Variants in CAMK4 observed in about 807,000 individuals in gnomAD.
CAMK4 encodes the protein calcium/calmodulin-dependent protein kinase type IV.
A neutral mutation model predicts 44.9 loss-of-function variants in CAMK4; 22 were observed. The ratio of observed to expected loss-of-function variants is 0.49; its 90% CI spans 0.35 to 0.70. CAMK4 has a LOEUF of 0.70. Among genes scored for constraint, CAMK4 ranks in the 30% least tolerant of loss-of-function variants. The probability of loss-of-function intolerance (pLI) is 0.01; values close to 1 mark genes in which losing one functional copy is unlikely to be tolerated. For synonymous variants in CAMK4, 218 were observed against 215.4 expected (o/e 1.01, Z -0.11); for missense variants, 498 against 586.8 (o/e 0.85, Z 1.56).
rs1008891844 is a variant in CAMK4, at chr5:111,247,900, G to A, written c.161+23256G>A. On this transcript the variant is annotated intron_variant, in intron 1 of 10. Coordinates refer to ENST00000282356, the MANE Select transcript of CAMK4 (RefSeq NM_001744.6). ...ATAATTATAAGGCCAAAGAAGTACT[G>A]CGAGGTTAAATTTGAGAAATGGTAG... is the stretch of plus-strand genomic sequence containing the variant. Among the ~76,000 whole-genome samples, 5 of 152,296 alleles carry A rather than the reference G, an allele frequency of 3.3e-5. No homozygotes were observed. The East Asian group carries it at 5.8e-4, about 18-fold the overall frequency.
At chr5:111,340,937 T>A (rs1749615687) in intron 1 of CAMK4, among the ~76,000 whole-genome samples, 1 of 151,234 alleles carries the variant, frequency 6.6e-6, no homozygotes, top group African/African-American at 2.4e-5. Context: ...TTATTCAGTC[T>A]TGGTAGGTTG....
intron 7 of CAMK4, among the ~76,000 whole-genome samples, chr5:111,450,873 C>T (rs1044185264): frequency 1.3e-5 from 2 of 151,856 alleles, no homozygotes; most frequent in Non-Finnish European, 2.9e-5. Context: ...CGAAAGCCAC[C>T]ATGGAAACAT....
chr5:111,326,144 A>G (rs1748879521), intron 1 of CAMK4, among the ~76,000 whole-genome samples: 1 of 152,028 alleles, frequency 6.6e-6, no homozygotes, highest in Non-Finnish European at 1.5e-5. Context: ...ACAGCAAATA[A>G]TGGGAAAAAT....
intron 2 of CAMK4, among the ~76,000 whole-genome samples, chr5:111,362,028 A>G (rs1227790684): frequency 5.3e-5 from 8 of 152,114 alleles, no homozygotes; most frequent in Admixed American, 5.2e-4. Flanking sequence ...GAAACAGAAG[A>G]TTAGAAATGC....
At chr5:111,409,513 G>C (rs538273723) in intron 5 of CAMK4, among the ~76,000 whole-genome samples, 99 of 152,346 alleles carry the variant, frequency 6.5e-4, no homozygotes, top group African/African-American at 2.2e-3. Flanking sequence ...AGGGGCTGCT[G>C]TGAAGGTCTC....
At chr5:111,249,628 GTATA>G (rs143178772) in intron 1 of CAMK4, among the ~76,000 whole-genome samples, 18 of 130,344 alleles carry the variant, frequency 1.4e-4, no homozygotes, top group African/African-American at 1.9e-4. Flanking sequence ...ATATTTGTGT[GTATA>G]TATATATATA....
intron 5 of CAMK4, among the ~76,000 whole-genome samples, chr5:111,439,672 T>C (rs957357675): frequency 6.6e-5 from 10 of 152,148 alleles, no homozygotes; most frequent in African/African-American, 1.9e-4. Flanking sequence ...CAGGGAAGTA[T>C]AGGCAGGCAA....
intron 1 of CAMK4, among the ~76,000 whole-genome samples, chr5:111,259,110 A>G (rs1402399522): frequency 6.6e-6 from 1 of 152,322 alleles, no homozygotes; most frequent in Non-Finnish European, 1.5e-5. Context: ...AAAAGGACAC[A>G]TAGTCATAGA....
intron 5 of CAMK4, among the ~76,000 whole-genome samples, chr5:111,445,377 T>C (rs1753989239): frequency 6.6e-6 from 1 of 152,152 alleles, no homozygotes; most frequent in Admixed American, 6.5e-5. Context: ...CCAGGGATAT[T>C]ACCTTGTGTA....
At chr5:111,397,112 C>T (rs1752041888) in intron 5 of CAMK4, among the ~76,000 whole-genome samples, 1 of 152,146 alleles carries the variant, frequency 6.6e-6, no homozygotes, top group South Asian at 2.1e-4. Flanking sequence ...ACTTGCTGGC[C>T]ATAGCCCACT....
chr5:111,249,613 C>A (rs2416261), intron 1 of CAMK4, among the ~76,000 whole-genome samples: 42,967 of 131,014 alleles, frequency 0.33, 6,537 homozygotes, highest in South Asian at 0.46. Flanking sequence ...ATTCTTGGTT[C>A]TTTTATATTT....
chr5:111,303,780 A>C (rs1344583334), intron 1 of CAMK4, among the ~76,000 whole-genome samples: 1 of 146,678 alleles, frequency 6.8e-6, no homozygotes, highest in African/African-American at 2.7e-5. Flanking sequence ...AGCAACTCGA[A>C]GACACATAAT....
intron 5 of CAMK4, among the ~76,000 whole-genome samples, chr5:111,430,868 C>A (rs1753416395): frequency 6.6e-6 from 1 of 151,580 alleles, no homozygotes; most frequent in Admixed American, 6.6e-5. Flanking sequence ...ATTAAAATGC[C>A]CTTACTACCC....
At chr5:111,285,924 G>A (rs1053185912) in intron 1 of CAMK4, among the ~76,000 whole-genome samples, 3 of 152,184 alleles carry the variant, frequency 2.0e-5, no homozygotes, top group African/African-American at 7.2e-5. Context: ...ACTCTGGTGA[G>A]AAGGACCCTT....
At chr5:111,242,579 A>T (rs1187585560) in intron 1 of CAMK4, among the ~76,000 whole-genome samples, 1 of 152,060 alleles carries the variant, frequency 6.6e-6, no homozygotes, top group Non-Finnish European at 1.5e-5. Flanking sequence ...TTCTAAGGCC[A>T]AGTTTGATAA....
chr5:111,370,438 T>G (rs1256982783), intron 2 of CAMK4, among the ~76,000 whole-genome samples: 1 of 152,132 alleles, frequency 6.6e-6, no homozygotes, highest in Non-Finnish European at 1.5e-5. Flanking sequence ...CTATCACACT[T>G]TACATTGATC....
At chr5:111,387,329 G>C (rs1272347754) in intron 4 of CAMK4, among the ~76,000 whole-genome samples, 1 of 152,086 alleles carries the variant, frequency 6.6e-6, no homozygotes, top group Admixed American at 6.5e-5. Context: ...CAAATTTTTT[G>C]AGATGCCAGC....
At chr5:111,309,864 G>A (rs1370619857) in intron 1 of CAMK4, among the ~76,000 whole-genome samples, 1 of 152,172 alleles carries the variant, frequency 6.6e-6, no homozygotes, top group Non-Finnish European at 1.5e-5. Context: ...AGTGTCATGT[G>A]GAGGTGGGGG....
intron 1 of CAMK4, among the ~76,000 whole-genome samples, chr5:111,341,747 A>G (rs1162571440): frequency 1.3e-5 from 2 of 151,246 alleles, no homozygotes; most frequent in Non-Finnish European, 3.0e-5. Context: ...AATTCATGAG[A>G]TAGGTACTGT....
Sources: allele counts gnomAD v4.1 joint callset (sites outside exome capture counted in the v4.1 genomes callset), GRCh38; gene constraint gnomAD v4.1.1; transcripts MANE v1.5; gene names NCBI Gene and HGNC (gene_info 2026-07-23, HGNC 2026-07-21).